CSMD1: variants seen among roughly 807,000 people sequenced by gnomAD.
CSMD1 encodes the protein CUB and Sushi multiple domains 1.
Under a neutral mutation model 417.5 loss-of-function variants are expected in CSMD1, and 213 were observed. The observed-to-expected ratio is 0.51, with a 90% CI of 0.46 to 0.57. The LOEUF (loss-of-function observed/expected upper bound fraction) is 0.57, where lower values mean the gene tolerates loss of function less well. CSMD1 is among the 20% of genes least tolerant of loss of function. The pLI is 0.00. For synonymous variants in CSMD1, 2,862 were observed against 1,736.8 expected (o/e 1.65, Z -16.11); for missense variants, 6,923 against 4,529.7 (o/e 1.53, Z -15.17).
At chr8:3,132,081 C>A (rs1156703581) in intron 41 of CSMD1, among the ~76,000 whole-genome samples, 1 of 152,142 alleles carries the variant, frequency 6.6e-6, no homozygotes, top group Admixed American at 6.5e-5. Flanking sequence ...TCACACGTGG[C>A]CTCCAGGTTC....
chr8:3,851,167 T>C lies in CSMD1; in HGVS notation c.819-97125A>G, dbSNP rs928235412. On this transcript the variant is annotated intron_variant, in intron 5 of 69. Coordinates refer to ENST00000635120, the MANE Select transcript of CSMD1 (RefSeq NM_033225.6). ...AGGAGCTAATTTGTGACAGGATATA[T>C]TATGATATCAGTTTTCAAAGCATGA... Among the ~76,000 whole-genome samples, 2 of 152,220 alleles carry C rather than the reference T, an allele frequency of 1.3e-5. 1 individual carries two copies. Among genetic ancestry groups the C allele is most frequent in the South Asian group, 4.1e-4 (2 of 4,834 alleles).
At chr8:4,295,381 T>C (rs184590655) in intron 3 of CSMD1, among the ~76,000 whole-genome samples, 3,802 of 144,402 alleles carry the variant, frequency 0.026, 75 homozygotes, top group Non-Finnish European at 0.04. Context: ...TATCTTATTA[T>C]ACACATATAA....
intron 3 of CSMD1, among the ~76,000 whole-genome samples, chr8:4,130,571 C>G (rs551557173): frequency 2.0e-5 from 3 of 152,030 alleles, no homozygotes; most frequent in Non-Finnish European, 4.4e-5. Context: ...TTACCACTGA[C>G]CTTATGTTTT....
Position 4,772,153 on chromosome 8 carries a change from G to A in CSMD1, c.86-134595C>T, listed in dbSNP as rs934404599. 3.3e-5 allele frequency among the ~76,000 whole-genome samples: 5 copies of A among 152,212 alleles called. No individual in the cohort carries two copies. In the South Asian group the frequency reaches 1.0e-3, roughly 32 times the overall value. ...CGAGAGCAGAAGTCAGTTCCTTGTG[G>A]TGGTAGGGATGAAGTCCTGTTTTCT... On this transcript the variant is annotated intron_variant, in intron 1 of 69. Coordinates refer to ENST00000635120, the MANE Select transcript of CSMD1 (RefSeq NM_033225.6).
At chr8:4,082,498 G>C (rs1359389906) in intron 3 of CSMD1, among the ~76,000 whole-genome samples, 5 of 152,018 alleles carry the variant, frequency 3.3e-5, no homozygotes, top group Non-Finnish European at 5.9e-5. Context: ...TGATAACAAA[G>C]TCTGTCAAAG....
intron 5 of CSMD1, among the ~76,000 whole-genome samples, chr8:3,993,450 T>C (rs1227776392): frequency 6.6e-6 from 1 of 152,172 alleles, no homozygotes; most frequent in Admixed American, 6.5e-5. Flanking sequence ...CATTCAAGCG[T>C]TCTTTGAAAT....
At chr8:4,200,926 C>T (rs1799609508) in intron 3 of CSMD1, among the ~76,000 whole-genome samples, 1 of 152,128 alleles carries the variant, frequency 6.6e-6, no homozygotes, top group East Asian at 1.9e-4. Context: ...TATATGCATT[C>T]ATGTCTTTTC....
intron 3 of CSMD1, among the ~76,000 whole-genome samples, chr8:4,126,603 C>G (rs1585371954): frequency 6.6e-6 from 1 of 152,176 alleles, no homozygotes; most frequent in Admixed American, 6.5e-5. Flanking sequence ...TGTCTTTCAT[C>G]AATTTATACT....
At chr8:3,719,996 G>A (rs1439748198) in intron 6 of CSMD1, among the ~76,000 whole-genome samples, 1 of 152,164 alleles carries the variant, frequency 6.6e-6, no homozygotes, top group Non-Finnish European at 1.5e-5. Flanking sequence ...AAGATTACAT[G>A]ACATGGCAAA....
At chr8:4,375,097 T>C (rs1584977939) in intron 3 of CSMD1, among the ~76,000 whole-genome samples, 2 of 152,106 alleles carry the variant, frequency 1.3e-5, no homozygotes, top group African/African-American at 2.4e-5. Context: ...GCATGTTCAT[T>C]GGCAGACCTG....
intron 12 of CSMD1, among the ~76,000 whole-genome samples, chr8:3,410,797 G>A (rs944588997): frequency 1.3e-5 from 2 of 152,136 alleles, no homozygotes; most frequent in Non-Finnish European, 2.9e-5. Context: ...GGAGTGCAGT[G>A]ATGTGATCAT....
chr8:4,977,879 A>G (rs143620608), intron 1 of CSMD1, among the ~76,000 whole-genome samples: 1 of 152,366 alleles, frequency 6.6e-6, no homozygotes, highest in African/African-American at 2.4e-5. Context: ...CCCATCATCA[A>G]TACTTAATCA....
At chr8:4,783,919 T>C (rs941415545) in intron 1 of CSMD1, among the ~76,000 whole-genome samples, 2 of 152,210 alleles carry the variant, frequency 1.3e-5, no homozygotes, top group Admixed American at 6.5e-5. Flanking sequence ...TGACCGTGAA[T>C]AAAAGTTGGC....
At chr8:4,319,627 G>T (rs565857606) in intron 3 of CSMD1, among the ~76,000 whole-genome samples, 2 of 152,224 alleles carry the variant, frequency 1.3e-5, no homozygotes, top group Admixed American at 1.3e-4. Context: ...ACAAAAGGGT[G>T]AATTACTTAC....
At chr8:3,796,840 G>T (rs912125242) in intron 5 of CSMD1, among the ~76,000 whole-genome samples, 24 of 151,288 alleles carry the variant, frequency 1.6e-4, no homozygotes, top group Non-Finnish European at 2.8e-4. Flanking sequence ...TTAAAGCTAG[G>T]CAATTGTCAA....
intron 1 of CSMD1, among the ~76,000 whole-genome samples, chr8:4,754,159 G>C (rs1811520398): frequency 6.6e-6 from 1 of 152,118 alleles, no homozygotes. Flanking sequence ...ACTTCTGATT[G>C]AGCAAAGCAT....
At chr8:4,429,893 T>G (rs1797775596) in intron 2 of CSMD1, among the ~76,000 whole-genome samples, 1 of 152,078 alleles carries the variant, frequency 6.6e-6, no homozygotes, top group African/African-American at 2.4e-5. Flanking sequence ...CTCCTCCATT[T>G]TTGGCCAAGA....
chr8:3,710,863 C>A (rs1475385227), intron 6 of CSMD1, among the ~76,000 whole-genome samples: 2 of 152,110 alleles, frequency 1.3e-5, no homozygotes, highest in East Asian at 1.9e-4. Flanking sequence ...AAACTCCAAA[C>A]CTTTCCACGT....
At chr8:3,515,696 G>C (rs886837513) in intron 10 of CSMD1, among the ~76,000 whole-genome samples, 1 of 152,118 alleles carries the variant, frequency 6.6e-6, no homozygotes, top group Admixed American at 6.5e-5. Context: ...ACATATTCTA[G>C]GCCAAAATGA....
Sources: gnomAD v4.1 joint callset for allele counts (sites outside exome capture counted in the v4.1 genomes callset) on GRCh38, gnomAD v4.1.1 for gene constraint, MANE v1.5 for transcripts, NCBI Gene and HGNC (gene_info 2026-07-23, HGNC 2026-07-21) for gene names.